Variants in MIPOL1 observed in about 807,000 individuals in gnomAD.
The protein encoded by MIPOL1 is mirror-image polydactyly 1.
In MIPOL1, 57 loss-of-function variants were observed where a neutral mutation model predicts 60.9. The observed-to-expected ratio is 0.94, with a 90% CI of 0.76 to 1.17. The LOEUF (loss-of-function observed/expected upper bound fraction) is 1.17, where lower values mean the gene tolerates loss of function less well. MIPOL1 is among the 50% of genes most tolerant of loss of function. The pLI, the probability that MIPOL1 is intolerant of heterozygous loss-of-function variation, is 0.00. For missense variants in MIPOL1, 551 were observed against 511.6 expected, an observed-to-expected ratio of 1.08 and a Z score of -0.74; for synonymous variants, 179 against 168.8, an observed-to-expected ratio of 1.06 and a Z score of -0.47.
chr14:37,305,770 C>T (rs1950528), intron 7 of MIPOL1, among the ~76,000 whole-genome samples: 142,997 of 151,642 alleles, frequency 0.94, 67,796 homozygotes, highest in East Asian at 1. Flanking sequence ...TTATTTTAAC[C>T]AGTTATATAT....
intron 11 of MIPOL1, among the ~76,000 whole-genome samples, chr14:37,456,841 T>C (rs1489814123): frequency 6.6e-6 from 1 of 152,104 alleles, no homozygotes; most frequent in Non-Finnish European, 1.5e-5. Context: ...TATTTTCTTA[T>C]AAAAATATAG....
intron 3 of MIPOL1, among the ~76,000 whole-genome samples, chr14:37,249,581 T>C (rs1319114821): frequency 6.6e-6 from 1 of 152,178 alleles, no homozygotes; most frequent in Non-Finnish European, 1.5e-5. Flanking sequence ...TAATTCTATA[T>C]AAAACAATCA....
rs538179952 is a variant in MIPOL1 at position 37,320,850 on chromosome 14, G to A, written c.828+12331G>A. On this transcript the variant is annotated intron_variant, in intron 9 of 12. Coordinates refer to ENST00000684589, the MANE Select transcript of MIPOL1 (RefSeq NM_001388067.1). ...CTCAGCATCATGCAATTAATGAATT[G>A]TGTCTCCCCATCCTCCCAACAACGA... Among the ~76,000 whole-genome samples, 89 of 152,100 alleles carry A rather than the reference G, an allele frequency of 5.9e-4. 1 individual carries two copies. The highest frequency in any genetic ancestry group is 1.8e-3 in the African/African-American group (73 of 41,542).
At chr14:37,257,095 T>TTGTG (rs61079220) in intron 3 of MIPOL1, among the ~76,000 whole-genome samples, 17,561 of 137,654 alleles carry the variant, frequency 0.13, 1,116 homozygotes, top group South Asian at 0.26. Flanking sequence ...TGGTTTTGTT[T>TTGTG]TGTGTGTGTG....
chr14:37,250,002 A>G (rs914262590), intron 3 of MIPOL1, among the ~76,000 whole-genome samples: 1 of 152,160 alleles, frequency 6.6e-6, no homozygotes, highest in East Asian at 1.9e-4. Flanking sequence ...ATAAATGTCC[A>G]GTAATCAGGA....
rs149781118 is a variant in MIPOL1 at position 37,422,331 on chromosome 14, G to C, written c.937-524G>C. Among the ~76,000 whole-genome samples, 16 of 151,962 alleles carry C rather than the reference G, an allele frequency of 1.1e-4. No individual in the cohort carries two copies. In the East Asian group the frequency reaches 3.1e-3, roughly 29 times the overall value. ...CTCCCACAGAGAAGGAATTGAAAAG[G>C]TTAAATCATAACTGTAAGAATCAGT... On this transcript the variant is annotated intron_variant, in intron 10 of 12. Coordinates refer to ENST00000684589, the MANE Select transcript of MIPOL1 (RefSeq NM_001388067.1).
intron 10 of MIPOL1, among the ~76,000 whole-genome samples, chr14:37,415,251 T>C (rs902988866): frequency 6.6e-6 from 1 of 152,112 alleles, no homozygotes; most frequent in African/African-American, 2.4e-5. Context: ...ATAAACTATA[T>C]GAGTTATGTT....
At chr14:37,313,199 C>T (rs2087533078) in intron 9 of MIPOL1, among the ~76,000 whole-genome samples, 1 of 152,098 alleles carries the variant, frequency 6.6e-6, no homozygotes, top group African/African-American at 2.4e-5. Context: ...GTCATGAGGG[C>T]TAGGCTTAGA....
At chr14:37,343,430 A>G (rs1014834100) in intron 9 of MIPOL1, among the ~76,000 whole-genome samples, 12 of 152,340 alleles carry the variant, frequency 7.9e-5, no homozygotes, top group African/African-American at 2.9e-4. Flanking sequence ...AAGTACTTTC[A>G]AACATCTGCA....
chr14:37,349,059 G>A (rs573242398), intron 9 of MIPOL1, among the ~76,000 whole-genome samples: 1 of 143,752 alleles, frequency 7.0e-6, no homozygotes, highest in Non-Finnish European at 1.5e-5. Flanking sequence ...CAGAATCTCG[G>A]CTCACTGCAG....
In MIPOL1 at chr14:37,550,761, T is replaced by A. The variant is rs1380716785; in HGVS notation, c.*3790T>A. Reference sequence around the variant, plus strand: ...AAACTCAAATATTTTAAACATTTGTTAAGTTGGAGCTTGCACATTTAAACC... The same window carrying A: ...AAACTCAAATATTTTAAACATTTGTAAAGTTGGAGCTTGCACATTTAAACC... On this transcript the variant is annotated 3_prime_UTR_variant, in exon 13 of 13. Transcript: ENST00000684589. 1 of 152,578 alleles carries A rather than the reference T, an allele frequency of 6.6e-6. No individual in the cohort carries two copies. The highest frequency in any genetic ancestry group is 1.5e-5 in the Non-Finnish European group (1 of 67,994). 9.5% of individuals were successfully genotyped at this position (152,578 alleles called of 1,614,324 possible).
chr14:37,475,921 C>G (rs974561577), intron 11 of MIPOL1, among the ~76,000 whole-genome samples: 2 of 152,138 alleles, frequency 1.3e-5, no homozygotes, highest in Non-Finnish European at 2.9e-5. Flanking sequence ...TGCCTCCCCA[C>G]ATAAGCTTTA....
chr14:37,523,789 G>A (rs991092978), intron 12 of MIPOL1, among the ~76,000 whole-genome samples: 1 of 152,152 alleles, frequency 6.6e-6, no homozygotes, highest in Admixed American at 6.5e-5. Context: ...ACACAGAAGT[G>A]TGTAATTATA....
chr14:37,442,018 C>A (rs1785699492), intron 11 of MIPOL1, among the ~76,000 whole-genome samples: 1 of 151,908 alleles, frequency 6.6e-6, no homozygotes, highest in African/African-American at 2.4e-5. Context: ...AGCCACCATG[C>A]CCCACCACTG....
At chr14:37,343,054 T>G (rs2090691837) in intron 9 of MIPOL1, among the ~76,000 whole-genome samples, 1 of 150,548 alleles carries the variant, frequency 6.6e-6, no homozygotes, top group South Asian at 2.1e-4. Context: ...TATTGCCTGG[T>G]GGGTGCTGAT....
intron 10 of MIPOL1, among the ~76,000 whole-genome samples, chr14:37,394,510 A>G (rs1285635071): frequency 6.6e-6 from 1 of 151,930 alleles, no homozygotes; most frequent in Non-Finnish European, 1.5e-5. Flanking sequence ...TTCCTTGATC[A>G]TTAGTTATGC....
chr14:37,402,820 A>G (rs1279806915), intron 10 of MIPOL1, among the ~76,000 whole-genome samples: 1 of 152,196 alleles, frequency 6.6e-6, no homozygotes, highest in East Asian at 1.9e-4. Flanking sequence ...GAGCTTAGGA[A>G]CTGTGACTTT....
intron 1 of MIPOL1, chr14:37,227,732 G>A (rs1969978037): frequency 6.6e-6 from 1 of 152,078 alleles, no homozygotes; most frequent in Non-Finnish European, 1.5e-5. Flanking sequence ...ACAGAGTTTG[G>A]CTTAGAGATT....
rs947564662 is a variant in MIPOL1, at chr14:37,208,090, C to A, written c.-199+9986C>A. 5.3e-5 allele frequency among the ~76,000 whole-genome samples: 8 copies of A among 152,254 alleles called. No homozygotes were observed. The Middle Eastern group carries it at 0.01, about 194-fold the overall frequency. The stretch of plus-strand genomic sequence containing the variant: ...TGAGCATCTCTGATTCAGATATTGG[C>A]TGCATTGAAAGCATTTTTAATTTAG... On this transcript the variant is annotated intron_variant, in intron 1 of 12. Coordinates refer to ENST00000684589, the MANE Select transcript of MIPOL1 (RefSeq NM_001388067.1).
Sources: gnomAD v4.1 joint callset for allele counts (sites outside exome capture counted in the v4.1 genomes callset) on GRCh38, gnomAD v4.1.1 for gene constraint, MANE v1.5 for transcripts, NCBI Gene and HGNC (gene_info 2026-07-23, HGNC 2026-07-21) for gene names.